SEC11A: variants seen among roughly 807,000 people sequenced by gnomAD.
The protein encoded by SEC11A is signal peptidase complex catalytic subunit SEC11A.
In SEC11A, 14 loss-of-function variants were observed where a neutral mutation model predicts 25.6. The observed-to-expected ratio is 0.55, with a 90% CI of 0.36 to 0.85. SEC11A has a LOEUF of 0.85. Ranked by LOEUF, SEC11A falls within the 40% of genes least tolerant of loss-of-function variation. The probability of loss-of-function intolerance (pLI) is 0.01; values close to 1 mark genes in which losing one functional copy is unlikely to be tolerated. For synonymous variants in SEC11A, 83 were observed against 76.4 expected (o/e 1.09, Z -0.45); for missense variants, 153 against 222.9 (o/e 0.69, Z 2.00).
In SEC11A at chr15:84,669,799, A is replaced by G; in HGVS notation, c.*220T>C. On this transcript the variant is annotated 3_prime_UTR_variant, in exon 6 of 6. Transcript: ENST00000268220. ...ATTTGAAAGTGTGACAATGACAATT[A>G]TGAAATCCTGTGACTGAAAGTCCCC... 2 of 582,902 alleles carry G rather than the reference A, an allele frequency of 3.4e-6. No homozygotes were observed. Among genetic ancestry groups the G allele is most frequent in the Non-Finnish European group, 5.5e-6 (2 of 362,336 alleles). 36.1% of individuals were successfully genotyped at this position (582,902 alleles called of 1,614,324 possible).
rs147792317 is a variant in SEC11A, at chr15:84,699,851, G to T, written c.52-8207C>A. 5.8e-3 allele frequency among the ~76,000 whole-genome samples: 884 copies of T among 152,114 alleles called. 18 individuals are homozygous for T. The highest frequency in any genetic ancestry group is 0.02 in the African/African-American group (820 of 41,364). On this transcript the variant is annotated intron_variant, in intron 1 of 5. Coordinates refer to ENST00000268220, the MANE Select transcript of SEC11A (RefSeq NM_014300.4). Reference sequence around the variant, plus strand: ...AAAGCAATGATCAGTGCATGCATGTGAGGGGACTCCTGAGGATGGAAAAAC... The same window carrying T: ...AAAGCAATGATCAGTGCATGCATGTTAGGGGACTCCTGAGGATGGAAAAAC...
At chr15:84,689,533 CCATT>C (rs1897537062) in intron 2 of SEC11A, among the ~76,000 whole-genome samples, 2 of 151,726 alleles carry the variant, frequency 1.3e-5, no homozygotes, top group South Asian at 4.2e-4. Flanking sequence ...AATATGCACT[CCATT>C]ATCTCCAGAA....
intron 1 of SEC11A, among the ~76,000 whole-genome samples, chr15:84,712,241 TA>T (rs60405847): frequency 0.57 from 84,425 of 147,246 alleles, 25,759 homozygotes; most frequent in East Asian, 0.81. Flanking sequence ...GACCTTGTCT[TA>T]AAAAAAAAAA....
intron 1 of SEC11A, among the ~76,000 whole-genome samples, chr15:84,701,193 G>C (rs1445296885): frequency 2.0e-5 from 3 of 150,830 alleles, no homozygotes; most frequent in African/African-American, 7.3e-5. Flanking sequence ...GACTGAGCCA[G>C]GCATGGTGGC....
intron 4 of SEC11A, chr15:84,672,508 G>A (rs35127183): frequency 0.25 from 42,047 of 166,810 alleles, 6,210 homozygotes; most frequent in Middle Eastern, 0.37. Flanking sequence ...ACCGCGAGTG[G>A]TCCGCCAGCC....
chr15:84,704,440 C>T (rs966791095), intron 1 of SEC11A, among the ~76,000 whole-genome samples: 5 of 152,034 alleles, frequency 3.3e-5, no homozygotes, highest in African/African-American at 1.2e-4. Context: ...TCCAAATCCA[C>T]CCTCCTTCCT....
At position 84,687,964 on chromosome 15, in the gene SEC11A, T is replaced by G. The variant is rs187425156; in HGVS notation, c.162-190A>C. 2.2e-4 allele frequency among the ~76,000 whole-genome samples: 34 copies of G among 151,842 alleles called. 1 individual carries two copies. In the East Asian group the frequency reaches 6.2e-3, roughly 28 times the overall value. On this transcript the variant is annotated intron_variant, in intron 2 of 5. Transcript: ENST00000268220. The stretch of plus-strand genomic sequence containing the variant: ...CAGACTAAAAAGTTACGCCAAAGGA[T>G]TTTTTTTTAGTTATTAACCTTCACT...
chr15:84,714,185 T>C (rs1017437827), intron 1 of SEC11A, among the ~76,000 whole-genome samples: 3 of 152,144 alleles, frequency 2.0e-5, no homozygotes, highest in African/African-American at 7.2e-5. Flanking sequence ...CCAGCTAGTA[T>C]CTGTATTTTT....
intron 4 of SEC11A, chr15:84,671,432 T>C (rs1896979635): frequency 6.6e-6 from 1 of 152,242 alleles, no homozygotes; most frequent in South Asian, 2.1e-4. Flanking sequence ...TTTCTTAATG[T>C]ACCACAGATT....
At chr15:84,686,721 C>T (rs183619940) in intron 3 of SEC11A, 2 of 152,560 alleles carry the variant, frequency 1.3e-5, no homozygotes, top group Admixed American at 1.3e-4. Context: ...TTTTTTGAGA[C>T]AGGGTCTCAC....
chr15:84,712,433 C>A (rs1898305314), intron 1 of SEC11A, among the ~76,000 whole-genome samples: 1 of 147,278 alleles, frequency 6.8e-6, no homozygotes, highest in African/African-American at 2.5e-5. Context: ...CTGAAACATA[C>A]TCTTTTCTTT....
At chr15:84,693,893 T>C (rs1467817782) in intron 1 of SEC11A, among the ~76,000 whole-genome samples, 11 of 152,162 alleles carry the variant, frequency 7.2e-5, no homozygotes. Context: ...TGCAACTCAT[T>C]TTCAAGTGAT....
At chr15:84,681,736 G>A (rs1169752647) in intron 3 of SEC11A, among the ~76,000 whole-genome samples, 1 of 152,058 alleles carries the variant, frequency 6.6e-6, no homozygotes, top group East Asian at 1.9e-4. Flanking sequence ...AGAAAGTTAT[G>A]ACACAATTGG....
rs572917600 is a variant in SEC11A at position 84,688,377 on chromosome 15, G to A, written c.162-603C>T. On this transcript the variant is annotated intron_variant, in intron 2 of 5. Coordinates refer to ENST00000268220, the MANE Select transcript of SEC11A (RefSeq NM_014300.4). ...CAGAGATTTTTGCCTAAGAATTTCC[G>A]AAGCCAGGAAAAGATTCAATTCCAT... is the stretch of plus-strand genomic sequence containing the variant. 1.6e-4 allele frequency among the ~76,000 whole-genome samples: 24 copies of A among 152,256 alleles called. 1 individual carries two copies. Among genetic ancestry groups the A allele is most frequent in the South Asian group, 6.2e-4 (3 of 4,826 alleles).
chr15:84,678,000 A>T (rs1897185496), intron 4 of SEC11A, among the ~76,000 whole-genome samples: 1 of 152,170 alleles, frequency 6.6e-6, no homozygotes, highest in Non-Finnish European at 1.5e-5. Context: ...GTTCCAGACC[A>T]GCCTGGCCAA....
intron 1 of SEC11A, among the ~76,000 whole-genome samples, chr15:84,715,221 A>G (rs1898421811): frequency 6.6e-6 from 1 of 152,192 alleles, no homozygotes; most frequent in Non-Finnish European, 1.5e-5. Context: ...TAAAACAAAA[A>G]AAAAGTCCGA....
intron 2 of SEC11A, among the ~76,000 whole-genome samples, chr15:84,688,418 T>G (rs1398327092): frequency 1.3e-5 from 2 of 152,234 alleles, no homozygotes; most frequent in Non-Finnish European, 2.9e-5. Context: ...CAAGTAAGAC[T>G]AACTTCTACA....
chr15:84,696,996 A>G (rs1409166483), intron 1 of SEC11A, among the ~76,000 whole-genome samples: 1 of 151,550 alleles, frequency 6.6e-6, no homozygotes, highest in African/African-American at 2.4e-5. Context: ...CAGCCTGGGC[A>G]ACATAGTGAG....
chr15:84,712,044 C>T (rs1216136265), intron 1 of SEC11A, among the ~76,000 whole-genome samples: 1 of 151,836 alleles, frequency 6.6e-6, no homozygotes, highest in Non-Finnish European at 1.5e-5. Flanking sequence ...AATTTGAGAC[C>T]AGCTTGGGCA....
Sources: allele counts gnomAD v4.1 joint callset (sites outside exome capture counted in the v4.1 genomes callset), GRCh38; gene constraint gnomAD v4.1.1; transcripts MANE v1.5; gene names NCBI Gene and HGNC (gene_info 2026-07-23, HGNC 2026-07-21).